Variants in ABCA12 observed in about 807,000 individuals in gnomAD.
The protein encoded by ABCA12 is ATP binding cassette subfamily A member 12.
ABCA12 carries 156 observed loss-of-function variants against 293.5 expected under a neutral mutation model. That is an observed-to-expected ratio of 0.53 (90% CI 0.47 to 0.61). The LOEUF is 0.61. ABCA12 is among the 20% of genes least tolerant of loss of function. The pLI is 0.00. For synonymous variants in ABCA12, 1,063 were observed against 1,108.0 expected, an observed-to-expected ratio of 0.96 and a Z score of 0.81; for missense variants, 2,797 against 3,090.2, an observed-to-expected ratio of 0.91 and a Z score of 2.25.
chr2:215,051,299 A>G (rs998596742), intron 5 of ABCA12, among the ~76,000 whole-genome samples: 2 of 152,136 alleles, frequency 1.3e-5, no homozygotes, highest in South Asian at 2.1e-4. Context: ...AATATTATGT[A>G]AACTAGACTT....
intron 52 of ABCA12, among the ~76,000 whole-genome samples, chr2:214,933,317 T>A (rs936105001): frequency 1.7e-4 from 26 of 152,312 alleles, no homozygotes; most frequent in African/African-American, 6.3e-4. Context: ...TATTTTGCCA[T>A]GGTGCTGGTA....
Position 215,025,728 on chromosome 2 carries a change from C to A in ABCA12, c.1232G>T (p.Arg411Leu), listed in dbSNP as rs768861556. 85 of 1,611,886 alleles carry A rather than the reference C, an allele frequency of 5.3e-5. 1 individual carries two copies. In the Admixed American group the frequency reaches 9.7e-4, roughly 18 times the overall value. Residue 411 changes from arginine to leucine, a missense_variant, in exon 11 of 53, where the codon CGC becomes CTC. Physicochemically the swap from Arg to Leu is moderately radical, Grantham distance 102. This residue lies in a region of ABCA12 where 656 missense variants were observed against 638.2 expected (regional missense o/e 1.03). Transcript: ENST00000272895. ...AAAGTAATCTTCATAGGAACCATTG[C>A]GAAGAAAAGATTTTTTAAATCGTAT... ...STIRFKKSFLRNGSYEDYFPP... is the reference protein window; with the variant it reads ...STIRFKKSFLLNGSYEDYFPP...
intron 8 of ABCA12, among the ~76,000 whole-genome samples, chr2:215,034,930 A>AC (rs1310795748): frequency 6.6e-6 from 1 of 152,170 alleles, no homozygotes; most frequent in Non-Finnish European, 1.5e-5. Context: ...ATGAGATACC[A>AC]CCCCACTCCA....
chr2:215,006,463 T>C (rs1371427352), intron 19 of ABCA12, among the ~76,000 whole-genome samples: 3 of 152,170 alleles, frequency 2.0e-5, no homozygotes, highest in Non-Finnish European at 4.4e-5. Context: ...AATGTCTATT[T>C]TAGAAATTTA....
rs192684455 is a variant in ABCA12 at position 214,959,053 on chromosome 2, A to G, written c.5910T>C (p.Tyr1970=). ...RHGIIMYSHP[Y]PGVQDQEQAT... ...CTTGTTCTTGGTCTTGCACTCCTGG[A>G]TAAGGATGGCTATACATGATGATGC... The change falls in exon 40 of 53, where the codon TAT becomes TAC. Residue 1970 remains tyrosine (Y), a synonymous_variant. Transcript: ENST00000272895. The G allele has an allele frequency of 4.3e-6, 7 of 1,613,914 alleles. No individual in the cohort carries two copies. The East Asian group carries it at 1.1e-4, about 26-fold the overall frequency.
At chr2:215,118,038 A>G (rs1302777304) in intron 1 of ABCA12, among the ~76,000 whole-genome samples, 2 of 152,204 alleles carry the variant, frequency 1.3e-5, no homozygotes, top group African/African-American at 2.4e-5. Flanking sequence ...CACATTATAT[A>G]TTTTGCCCCT....
At position 215,043,023 on chromosome 2, in the gene ABCA12, T is replaced by C. The variant is rs1181303908; in HGVS notation, c.872+2814A>G. Among the ~76,000 whole-genome samples the C allele has an allele frequency of 2.6e-5, 4 of 152,168 alleles. No individual in the cohort carries two copies. In the East Asian group the frequency reaches 7.7e-4, roughly 29 times the overall value. ...CCACAATGGCCATTCTACTTTACATTCCCACCAAGAGTGTGCAAGAGTTTC... is the reference window on the plus strand; with the variant it reads ...CCACAATGGCCATTCTACTTTACATCCCCACCAAGAGTGTGCAAGAGTTTC... On this transcript the variant is annotated intron_variant, in intron 7 of 52. Transcript: ENST00000272895.
chr2:215,071,089 C>A lies in ABCA12; in HGVS notation c.164-6870G>T, dbSNP rs1701727790. On this transcript the variant is annotated intron_variant, in intron 2 of 52. Transcript: ENST00000272895. ...GTATGTGCCTGCAGTCCCACCTACT[C>A]CAGAGGCTGAGGTAGGAGAATCGCT... 2.0e-5 allele frequency among the ~76,000 whole-genome samples: 3 copies of A among 151,668 alleles called. No homozygotes were observed. In the South Asian group the frequency reaches 6.3e-4, roughly 32 times the overall value.
At position 215,007,775 on chromosome 2, in the gene ABCA12, A is replaced by G; in HGVS notation, c.2544T>C (p.Leu848=). The stretch of plus-strand genomic sequence containing the variant: ...TTAACAGATGGAAGGAATTCATGAA[A>G]AGTGGCGACTTATCCATCCACTCTT... ...KSQEWMDKSP[L]FMNSFHLLNQ... Residue 848 remains leucine (L), a synonymous_variant, in exon 19 of 53, where the codon CTT becomes CTC. Transcript: ENST00000272895. The G allele has an allele frequency of 6.2e-7, 1 of 1,614,056 alleles. No individual in the cohort carries two copies. The highest frequency in any genetic ancestry group is 1.1e-5 in the South Asian group (1 of 91,086).
chr2:214,950,366 G>A (rs565442659), intron 45 of ABCA12, among the ~76,000 whole-genome samples: 3 of 128,018 alleles, frequency 2.3e-5, no homozygotes, highest in East Asian at 4.6e-4. Context: ...ATATATATAT[G>A]TGTGTGTATA....
At chr2:215,046,188 G>A (rs1011837416) in intron 6 of ABCA12, among the ~76,000 whole-genome samples, 173 bp from the exon 7 acceptor site, 2 of 151,952 alleles carry the variant, frequency 1.3e-5, no homozygotes, top group Non-Finnish European at 2.9e-5. Context: ...TACTTCTAAT[G>A]TTCTTAAACA....
Position 214,974,883 on chromosome 2 carries a change from G to C in ABCA12, c.5382-19C>G. ...ATAATTACTGCAATATGAAAGGACA[G>C]AAACAAATTCATGATTTTTCTACTA... On this transcript the variant is annotated intron_variant, in intron 34 of 52. Coordinates refer to ENST00000272895, the MANE Select transcript of ABCA12 (RefSeq NM_173076.3). 1 of 1,603,826 alleles carries C rather than the reference G, an allele frequency of 6.2e-7. No individual in the cohort carries two copies. The highest frequency in any genetic ancestry group is 8.5e-7 in the Non-Finnish European group (1 of 1,170,870).
chr2:215,108,230 T>C (rs16853369), intron 2 of ABCA12, among the ~76,000 whole-genome samples: 5,601 of 152,266 alleles, frequency 0.037, 342 homozygotes, highest in African/African-American at 0.13. Context: ...GAAGAATTAG[T>C]TGGACACAGG....
In ABCA12 at chr2:214,955,229, A is replaced by G. The variant is rs770196499; in HGVS notation, c.6366T>C (p.Phe2122=). ...NSIVSLSVVY[F]LSKEKPNDPT... ...GATCATTAGGCTTTTCCTTGGAAAG[A>G]AAGTATACCACTGACAGGGAAACAA... Residue 2122 remains phenylalanine (F), a synonymous_variant, in exon 43 of 53, where the codon TTT becomes TTC. Transcript: ENST00000272895. The G allele has an allele frequency of 6.2e-7, 1 of 1,614,180 alleles. No individual in the cohort carries two copies. The highest frequency in any genetic ancestry group is 1.1e-5 in the South Asian group (1 of 91,084).
At chr2:215,112,487 T>G (rs868863410) in intron 1 of ABCA12, among the ~76,000 whole-genome samples, 4,318 of 107,060 alleles carry the variant, frequency 0.04, 128 homozygotes, top group African/African-American at 0.18. Context: ...GTTTTTTTTG[T>G]TTTTTTTTTG....
chr2:214,963,845 G>A (rs904743628), intron 39 of ABCA12, among the ~76,000 whole-genome samples: 49 of 149,424 alleles, frequency 3.3e-4, no homozygotes, highest in African/African-American at 9.8e-4. Flanking sequence ...GCTTGAACCC[G>A]GGAGGCAGAG....
intron 14 of ABCA12, 177 bp downstream of exon 14, chr2:215,017,831 C>A: frequency 1.3e-6 from 1 of 764,318 alleles, no homozygotes; most frequent in Non-Finnish European, 2.1e-6. Context: ...TGATAAAATT[C>A]TTGCTTCAGA....
At position 214,981,989 on chromosome 2, in the gene ABCA12, A is replaced by T. The variant is rs367643843; in HGVS notation, c.4579+198T>A. ...TTATTATTATTATTATTATTATTTT[A>T]TTATTATTGACAGCGTCTCACTATG... is the stretch of plus-strand genomic sequence containing the variant. On this transcript the variant is annotated intron_variant, in intron 30 of 52. Transcript: ENST00000272895. 1.0e-2 allele frequency among the ~76,000 whole-genome samples: 952 copies of T among 95,340 alleles called. 14 individuals carry two copies. The highest frequency in any genetic ancestry group is 0.063 in the South Asian group (207 of 3,304). The allele number at this position is 95,340 out of a possible 152,430, so 62.5% of individuals were successfully genotyped here. A position where few individuals can be genotyped will look rare whatever the true frequency, so the allele number is the denominator to read the frequency against.
At chr2:215,092,780 A>G (rs1413101445) in intron 2 of ABCA12, among the ~76,000 whole-genome samples, 2 of 151,664 alleles carry the variant, frequency 1.3e-5, no homozygotes, top group Non-Finnish European at 2.9e-5. Context: ...AAACCCATAT[A>G]CTCTCCTATC....
Sources: gnomAD v4.1 joint callset for allele counts (sites outside exome capture counted in the v4.1 genomes callset) on GRCh38, gnomAD v4.1.1 for gene constraint, gnomAD v4.1.1 regional missense constraint, MANE v1.5 for transcripts, NCBI Gene and HGNC (gene_info 2026-07-23, HGNC 2026-07-21) for gene names.